PPP6R1: variants seen among roughly 807,000 people sequenced by gnomAD.
The protein encoded by PPP6R1 is serine/threonine-protein phosphatase 6 regulatory subunit 1.
In PPP6R1, 39 loss-of-function variants were observed where a neutral mutation model predicts 104.6. That is an observed-to-expected ratio of 0.37 (90% CI 0.29 to 0.49). PPP6R1 has a LOEUF of 0.49. Ranked by LOEUF, PPP6R1 falls within the 20% of genes least tolerant of loss-of-function variation. PPP6R1 has a pLI of 0.98. For synonymous variants in PPP6R1, 549 were observed against 479.0 expected, an observed-to-expected ratio of 1.15 and a Z score of -1.91; for missense variants, 1,181 against 1,155.8, an observed-to-expected ratio of 1.02 and a Z score of -0.32.
intron 1 of PPP6R1, among the ~76,000 whole-genome samples, chr19:55,253,658 T>A (rs2087570864): frequency 6.6e-6 from 1 of 152,042 alleles, no homozygotes; most frequent in South Asian, 2.1e-4. Flanking sequence ...TCTACAGACC[T>A]CAATTATCAG....
At chr19:55,242,520 G>C (rs1254877673) in intron 5 of PPP6R1, 32 bp from the exon 6 acceptor site, 4 of 1,584,578 alleles carry the variant, frequency 2.5e-6, no homozygotes, top group Admixed American at 1.7e-5. Flanking sequence ...GAGGATCCTG[G>C]TCGGGCCACC....
In PPP6R1 at chr19:55,245,281, C is replaced by T; in HGVS notation, c.536G>A (p.Arg179Lys). Residue 179 changes from arginine to lysine, a missense_variant, in exon 4 of 24, where the codon AGG (arginine) becomes AAG (lysine). Transcript: ENST00000412770. This position sits in a 1 kb window ranked among gnomAD's most constrained non-coding sequence, Gnocchi z 6.4. Reference sequence around the variant, plus strand: ...CCTGCTCACATTGACAACATCCTGCCTCAGCTGAGGCCGCTCCACACAGGT... The same window carrying T: ...CCTGCTCACATTGACAACATCCTGCTTCAGCTGAGGCCGCTCCACACAGGT... ...LLTCVERPQL[R>K]QDVVNWLNEE... The T allele has an allele frequency of 1.3e-6, 2 of 1,598,934 alleles. No individual in the cohort carries two copies. The highest frequency in any genetic ancestry group is 8.5e-7 in the Non-Finnish European group (1 of 1,173,240).
rs115057567 is a variant in PPP6R1, at chr19:55,231,280, T to C, written c.2459+130A>G. ...GAGTGCAAGGGGCTGGGGCACAACA[T>C]GAGGCTGCGCCTGGGGGTCCTGCAA... On this transcript the variant is annotated intron_variant, in intron 21 of 23. Transcript: ENST00000412770. 6.7e-4 allele frequency: 758 copies of C among 1,127,526 alleles called. 1 individual carries two copies. In the African/African-American group the frequency reaches 0.011, roughly 16 times the overall value. 69.8% of individuals were successfully genotyped at this position (1,127,526 alleles called of 1,614,324 possible).
downstream of PPP6R1, chr19:55,228,724 C>T (rs755279394): frequency 6.8e-6 from 11 of 1,613,266 alleles, no homozygotes; most frequent in South Asian, 6.6e-5. Context: ...GGGTCTGCCC[C>T]GCTTTGCCAG....
intron 15 of PPP6R1, chr19:55,239,197 T>C (rs1463689048): frequency 3.4e-6 from 2 of 592,510 alleles, no homozygotes; most frequent in Non-Finnish European, 6.1e-6. Context: ...GAGAAGAGAC[T>C]GCAGAGCTGG....
downstream of PPP6R1, chr19:55,228,720 G>A: frequency 6.2e-7 from 1 of 1,613,250 alleles, no homozygotes; most frequent in Non-Finnish European, 8.5e-7. Context: ...TTCAGGGTCT[G>A]CCCCGCTTTG....
chr19:55,230,542 A>G lies in PPP6R1; in HGVS notation c.2643-11T>C, dbSNP rs1376503320. 3 of 1,613,400 alleles carry G rather than the reference A, an allele frequency of 1.9e-6. No individual in the cohort carries two copies. The highest frequency in any genetic ancestry group is 1.6e-4 in the Middle Eastern group (1 of 6,074). ...GCACCAGGCAGCTATCTGGAAACAG[A>G]GGGAGATGTCGTGTGAGGGTCTAGC... On this transcript the variant is annotated splice_polypyrimidine_tract_variant and intron_variant, in intron 23 of 23. Coordinates refer to ENST00000412770, the MANE Select transcript of PPP6R1 (RefSeq NM_014931.4).
downstream of PPP6R1, chr19:55,228,384 G>A (rs1422620644): frequency 6.2e-7 from 1 of 1,613,750 alleles, no homozygotes; most frequent in East Asian, 2.2e-5. Flanking sequence ...AGAGGCAGAA[G>A]TACACGCAGC....
At chr19:55,240,585 TCACA>T (rs2087445654) in intron 10 of PPP6R1, among the ~76,000 whole-genome samples, 1 of 147,160 alleles carries the variant, frequency 6.8e-6, no homozygotes, top group Non-Finnish European at 1.5e-5. Context: ...ACACACATGC[TCACA>T]CATACATGTT....
chr19:55,230,749 C>A (rs773554502), intron 22 of PPP6R1, 25 bp downstream of exon 22: 3 of 1,470,352 alleles, frequency 2.0e-6, no homozygotes, highest in African/African-American at 1.4e-5. Context: ...CCCCCACCCC[C>A]CCGCCCTGCT....
At chr19:55,248,158 C>T (rs148279568) in intron 1 of PPP6R1, among the ~76,000 whole-genome samples, 3 of 152,372 alleles carry the variant, frequency 2.0e-5, no homozygotes, top group African/African-American at 7.2e-5. Context: ...AGACCTTCCA[C>T]TACAGACCTG....
intron 5 of PPP6R1, among the ~76,000 whole-genome samples, chr19:55,244,288 T>C (rs1025519388): frequency 6.6e-6 from 1 of 152,204 alleles, no homozygotes; most frequent in African/African-American, 2.4e-5. Context: ...TGGCCTCGGA[T>C]ATCTGAGGCT....
At chr19:55,257,669 G>A (rs945381703) in intron 1 of PPP6R1, among the ~76,000 whole-genome samples, 1 of 152,088 alleles carries the variant, frequency 6.6e-6, no homozygotes, top group Non-Finnish European at 1.5e-5. Context: ...TCTCACCAGT[G>A]CCTCCCGCTC....
intron 17 of PPP6R1, among the ~76,000 whole-genome samples, chr19:55,233,354 A>G (rs569815794): frequency 6.6e-6 from 1 of 152,356 alleles, no homozygotes; most frequent in Admixed American, 6.5e-5. Context: ...GCATGCTTAC[A>G]TGGCAAAACG....
chr19:55,256,451 T>A (rs1221764519), intron 1 of PPP6R1, among the ~76,000 whole-genome samples: 1 of 152,058 alleles, frequency 6.6e-6, no homozygotes, highest in African/African-American at 2.4e-5. Context: ...TCGCCAATCG[T>A]CCCCCAGGGG....
At chr19:55,256,080 A>G (rs2087590978) in intron 1 of PPP6R1, among the ~76,000 whole-genome samples, 1 of 152,222 alleles carries the variant, frequency 6.6e-6, no homozygotes, top group South Asian at 2.1e-4. Flanking sequence ...ACATCCCACA[A>G]AAGAAAAAAA....
Position 55,241,074 on chromosome 19 carries a change from G to A in PPP6R1, c.1167C>T (p.Leu389=). Residue 389 remains leucine (L), a synonymous_variant, in exon 10 of 24, where the codon CTC becomes CTT. Transcript: ENST00000412770. This position sits in a 1 kb window ranked among gnomAD's most constrained non-coding sequence, Gnocchi z 5.4. The stretch of plus-strand genomic sequence containing the variant: ...AGTTGTTGAAGACATAATGGAAGAA[G>A]AGGTCCTATGGGAGGACACAGGATT... ...ALDVPNTMLD[L]FFHYVFNNFL... The A allele has an allele frequency of 5.2e-6, 8 of 1,550,938 alleles. No individual in the cohort carries two copies. The highest frequency in any genetic ancestry group is 6.1e-6 in the Non-Finnish European group (7 of 1,147,236).
chr19:55,242,651 G>A, intron 5 of PPP6R1, 163 bp from the exon 6 acceptor site: 1 of 642,470 alleles, frequency 1.6e-6, no homozygotes, highest in Non-Finnish European at 2.8e-6. Flanking sequence ...ACCAACTGCT[G>A]GAGGGAAGAT....
chr19:55,231,376 T>A, intron 21 of PPP6R1, 34 bp downstream of exon 21: 2 of 1,547,234 alleles, frequency 1.3e-6, no homozygotes, highest in Non-Finnish European at 8.8e-7. Flanking sequence ...AAAAGACTTC[T>A]CCCGATACTA....
Sources: gnomAD v4.1 joint callset for allele counts (sites outside exome capture counted in the v4.1 genomes callset) on GRCh38, gnomAD v4.1.1 for gene constraint, Gnocchi (gnomAD v3.1) non-coding constraint, MANE v1.5 for transcripts, NCBI Gene and HGNC (gene_info 2026-07-23, HGNC 2026-07-21) for gene names.